The following USP40 variants were observed in gnomAD, a reference collection of about 807,000 sequenced individuals.
The protein encoded by USP40 is ubiquitin specific peptidase 40, also known as ubiquitin carboxyl-terminal hydrolase 40.
In USP40, 143 loss-of-function variants were observed where a neutral mutation model predicts 166.2. That is an observed-to-expected ratio of 0.86 (90% CI 0.75 to 0.99). The LOEUF is 0.99. USP40 is among the 50% of genes least tolerant of loss of function. The pLI is 0.00. For missense variants in USP40, 1,444 were observed against 1,479.7 expected, an observed-to-expected ratio of 0.98 and a Z score of 0.40; for synonymous variants, 498 against 524.0, an observed-to-expected ratio of 0.95 and a Z score of 0.68.
chr2:233,494,915 C>CATTTATATATATATATATAT (rs1265219527), intron 24 of USP40, among the ~76,000 whole-genome samples: 11 of 11,358 alleles, frequency 9.7e-4, no homozygotes, highest in East Asian at 3.5e-3. Flanking sequence ...AGCAAAATGG[C>CATTTATATATATATATATAT]ATATATATAT....
chr2:233,561,190 C>G (rs757461256), intron 3 of USP40: 3 of 1,578,944 alleles, frequency 1.9e-6, no homozygotes, highest in Non-Finnish European at 2.6e-6. Flanking sequence ...TATCTTCAAA[C>G]AAACCAAGCT....
intron 18 of USP40, among the ~76,000 whole-genome samples, chr2:233,517,386 G>GTTTTT (rs201945738): frequency 1.5e-5 from 2 of 133,994 alleles, no homozygotes; most frequent in African/African-American, 2.8e-5. Context: ...ATGGTTTTTT[G>GTTTTT]TTTTTTTTTT....
chr2:233,531,566 T>C (rs1420585457), intron 11 of USP40, among the ~76,000 whole-genome samples: 1 of 152,256 alleles, frequency 6.6e-6, no homozygotes, highest in Non-Finnish European at 1.5e-5. Context: ...TAACTGTGAA[T>C]TCTGATACAC....
At chr2:233,518,561 T>C (rs2067420582) in intron 18 of USP40, among the ~76,000 whole-genome samples, 1 of 131,706 alleles carries the variant, frequency 7.6e-6, no homozygotes. Flanking sequence ...AGTGAGACTC[T>C]GTCTCAAAAA....
Position 233,542,379 on chromosome 2 carries a change from G to C in USP40, c.967-16C>G. 1 of 1,468,130 alleles carries C rather than the reference G, an allele frequency of 6.8e-7. No homozygotes were observed. The allele number at this position is 1,468,130 out of a possible 1,614,324, so 90.9% of individuals were successfully genotyped here. On this transcript the variant is annotated splice_polypyrimidine_tract_variant and intron_variant, in intron 8 of 31. Coordinates refer to ENST00000678225, the MANE Select transcript of USP40 (RefSeq NM_001365479.2). The stretch of plus-strand genomic sequence containing the variant: ...TTTTTTCCTCCTAGGAAGGAAAACA[G>C]TATGAGTTTCTATCACTAACCCCTT...
chr2:233,559,733 G>A, intron 4 of USP40, 78 bp downstream of exon 4: 2 of 976,594 alleles, frequency 2.0e-6, no homozygotes, highest in Admixed American at 3.1e-5. Flanking sequence ...AAAATTAAAG[G>A]AAGTTAGATA....
chr2:233,479,163 G>C (rs541471691), intron 31 of USP40, among the ~76,000 whole-genome samples: 1 of 152,320 alleles, frequency 6.6e-6, no homozygotes, highest in South Asian at 2.1e-4. Flanking sequence ...AGCTCCCAGG[G>C]CCTGGGGAAC....
At chr2:233,482,073 C>T (rs945315367) in intron 30 of USP40, among the ~76,000 whole-genome samples, 39 of 152,184 alleles carry the variant, frequency 2.6e-4, no homozygotes, top group African/African-American at 9.2e-4. Context: ...GAGAGATTAA[C>T]CAGGCTCTGC....
intron 14 of USP40, 50 bp downstream of exon 14, chr2:233,525,428 A>T: frequency 6.9e-7 from 1 of 1,459,044 alleles, no homozygotes; most frequent in Non-Finnish European, 9.5e-7. Flanking sequence ...TGAGCCGGAC[A>T]AAAATGTAGA....
intron 5 of USP40, among the ~76,000 whole-genome samples, chr2:233,555,083 C>T (rs2070940064): frequency 6.6e-6 from 1 of 152,124 alleles, no homozygotes; most frequent in Admixed American, 6.5e-5. Flanking sequence ...GTCCCAGCTA[C>T]TGGGGAGGCT....
intron 20 of USP40, among the ~76,000 whole-genome samples, chr2:233,511,328 A>C (rs1171202439): frequency 6.6e-6 from 1 of 152,158 alleles, no homozygotes; most frequent in Non-Finnish European, 1.5e-5. Flanking sequence ...TAGACTTACT[A>C]TTTTCTGTAC....
At chr2:233,478,292 C>A (rs1035870686) in intron 31 of USP40, among the ~76,000 whole-genome samples, 2 of 152,154 alleles carry the variant, frequency 1.3e-5, no homozygotes, top group Non-Finnish European at 2.9e-5. Flanking sequence ...AATTCCACAC[C>A]CACACACAGG....
chr2:233,564,159 G>T (rs1410166495), intron 2 of USP40, among the ~76,000 whole-genome samples: 1 of 152,138 alleles, frequency 6.6e-6, no homozygotes, highest in South Asian at 2.1e-4. Context: ...TCCTAGGAAG[G>T]TAACAGCGGT....
At chr2:233,498,466 T>C in intron 23 of USP40, 82 bp downstream of exon 23, 1 of 1,247,716 alleles carries the variant, frequency 8.0e-7, no homozygotes, top group Non-Finnish European at 1.1e-6. Flanking sequence ...TAAAGCTTTC[T>C]CATGAGTGGA....
At chr2:233,516,702 AG>A (rs1440935986) in intron 18 of USP40, among the ~76,000 whole-genome samples, 7 of 150,982 alleles carry the variant, frequency 4.6e-5, no homozygotes, top group East Asian at 3.9e-4. Flanking sequence ...AAAAAAAAAA[AG>A]AAAAATTAGC....
intron 2 of USP40, 23 bp from the exon 3 acceptor site, chr2:233,562,826 A>G: frequency 6.7e-7 from 1 of 1,496,992 alleles, no homozygotes; most frequent in Non-Finnish European, 8.9e-7. Flanking sequence ...GTAGAATCAG[A>G]GATGCAAATG....
At chr2:233,495,160 G>T (rs1335534982) in intron 24 of USP40, among the ~76,000 whole-genome samples, 1 of 151,070 alleles carries the variant, frequency 6.6e-6, no homozygotes, top group South Asian at 2.1e-4. Flanking sequence ...GAATGAGATA[G>T]CTTCACAGCA....
intron 27 of USP40, 126 bp downstream of exon 27, chr2:233,489,239 C>G: frequency 2.3e-6 from 2 of 867,380 alleles, no homozygotes; most frequent in East Asian, 2.7e-5. Flanking sequence ...AAGTCACAAG[C>G]GTGGCATGAC....
At chr2:233,492,642 A>C (rs1436313683) in intron 25 of USP40, 1 of 152,194 alleles carries the variant, frequency 6.6e-6, no homozygotes, top group East Asian at 1.9e-4. Context: ...CCTAACTTCA[A>C]AGAATAAGGA....
Sources: allele counts gnomAD v4.1 joint callset (sites outside exome capture counted in the v4.1 genomes callset), GRCh38; gene constraint gnomAD v4.1.1; transcripts MANE v1.5; gene names NCBI Gene and HGNC (gene_info 2026-07-23, HGNC 2026-07-21).